The following ZNF599 variants were observed in gnomAD, a reference collection of about 807,000 sequenced individuals.
ZNF599 encodes zinc finger protein 599.
In ZNF599, 10 loss-of-function variants were observed where a neutral mutation model predicts 11.7. That is an observed-to-expected ratio of 0.86 (90% CI 0.53 to 1.45). The LOEUF is 1.45. ZNF599 is among the 40% of genes most tolerant of loss of function. ZNF599 has a pLI of 0.00. For missense variants in ZNF599, 688 were observed against 713.6 expected (o/e 0.96, Z 0.41); for synonymous variants, 232 against 253.2 (o/e 0.92, Z 0.79).
rs769513345 is a variant in ZNF599, at chr19:34,759,754, C to A, written c.1047G>T (p.Thr349=). Residue 349 remains threonine (T), a synonymous_variant, in exon 4 of 4, where the codon ACG becomes ACT. Coordinates refer to ENST00000329285, the MANE Select transcript of ZNF599 (RefSeq NM_001007248.3). ...TGTGCTGGATAAATGTGGAGCGGTG[C>A]GTGAAGGCCTTTCCACATTCACCGC... is the stretch of plus-strand genomic sequence containing the variant. ...YECGECGKAF[T]HRSTFIQHNV... is the part of the protein sequence containing the mutation. The A allele has an allele frequency of 1.2e-6, 2 of 1,611,020 alleles. No homozygotes were observed.
At chr19:34,806,081 G>T in the ZNF599 span, among the ~76,000 whole-genome samples, 29 of 152,142 alleles carry the variant, frequency 1.9e-4, no homozygotes, top group Admixed American at 1.7e-3. Context: ...GTGGATGGAA[G>T]GTTGGGACCA....
Position 34,767,498 on chromosome 19 carries a change from A to AT in ZNF599, c.146-88dup, listed in dbSNP as rs1793942930. The AT allele has an allele frequency of 5.1e-6, 5 of 983,170 alleles. No individual in the cohort carries two copies. In the African/African-American group the frequency reaches 8.1e-5, roughly 16 times the overall value. 60.9% of individuals were successfully genotyped at this position (983,170 alleles called of 1,614,324 possible). A position where few individuals can be genotyped will look rare whatever the true frequency, so the allele number is the denominator to read the frequency against. ...GTGTAAAGGAGTACATATATTTAAC[A>AT]TACTGCAATGAAACCCCAGAAAGGG... On this transcript the variant is annotated intron_variant, in intron 2 of 3. Transcript: ENST00000329285.
chr19:34,791,600 C>T, the ZNF599 span, among the ~76,000 whole-genome samples: 2 of 152,146 alleles, frequency 1.3e-5, no homozygotes, highest in South Asian at 4.1e-4. Context: ...GTATTAAGCC[C>T]AAAGACATGG....
chr19:34,765,949 G>A (rs1250509476), intron 3 of ZNF599, among the ~76,000 whole-genome samples: 1 of 152,190 alleles, frequency 6.6e-6, no homozygotes, highest in African/African-American at 2.4e-5. Context: ...CATGAGTGAT[G>A]TGAAATGGTC....
chr19:34,769,671 G>T, intron 1 of ZNF599, 116 bp from the exon 2 acceptor site: 2 of 1,282,776 alleles, frequency 1.6e-6, no homozygotes, highest in South Asian at 1.4e-5. Flanking sequence ...CAACTCCTGA[G>T]AACCACTGGG....
At chr19:34,769,594 T>C (rs1600159161) in intron 1 of ZNF599, 39 bp from the exon 2 acceptor site, 3 of 1,598,334 alleles carry the variant, frequency 1.9e-6, no homozygotes, top group East Asian at 4.5e-5. Flanking sequence ...GCTGTGGAGC[T>C]ATTAGGTGAA....
chr19:34,782,953 C>A, the ZNF599 span, among the ~76,000 whole-genome samples: 2 of 152,184 alleles, frequency 1.3e-5, no homozygotes, highest in African/African-American at 4.8e-5. Context: ...CATCCCAAAC[C>A]TACTCTCCTC....
At chr19:34,786,539 G>A in the ZNF599 span, among the ~76,000 whole-genome samples, 22 of 152,260 alleles carry the variant, frequency 1.4e-4, no homozygotes, top group Non-Finnish European at 2.4e-4. Context: ...ATGGTGTCTT[G>A]CAAAGCCCAC....
intron 1 of ZNF599, among the ~76,000 whole-genome samples, chr19:34,770,333 ACTC>A (rs1875130392): frequency 6.6e-6 from 1 of 152,172 alleles, no homozygotes; most frequent in Non-Finnish European, 1.5e-5. Context: ...TAACCCCTGT[ACTC>A]CTCCATCACC....
the ZNF599 span, among the ~76,000 whole-genome samples, chr19:34,798,659 C>T: frequency 1.3e-5 from 2 of 152,216 alleles, no homozygotes; most frequent in African/African-American, 4.8e-5. Context: ...CCATTCATTT[C>T]TAAAGTTACT....
At chr19:34,790,789 G>A in the ZNF599 span, among the ~76,000 whole-genome samples, 4 of 152,062 alleles carry the variant, frequency 2.6e-5, no homozygotes, top group Non-Finnish European at 4.4e-5. Context: ...TATATGAGGT[G>A]ATAGATTTAA....
chr19:34,777,288 T>A (rs1376314083), upstream of ZNF599, among the ~76,000 whole-genome samples: 12 of 112,260 alleles, frequency 1.1e-4, no homozygotes, highest in South Asian at 8.2e-4. Flanking sequence ...ATTTTAAAAA[T>A]TGATCATGTT....
At chr19:34,768,185 C>T (rs1322503838) in intron 2 of ZNF599, among the ~76,000 whole-genome samples, 1 of 152,154 alleles carries the variant, frequency 6.6e-6, no homozygotes, top group Admixed American at 6.5e-5. Context: ...AATGTTCTGC[C>T]ATATGCTTGG....
rs1218505151 is a variant in ZNF599, at chr19:34,759,619, G to A, written c.1182C>T (p.Pro394=). The A allele has an allele frequency of 6.2e-7, 1 of 1,613,972 alleles. No individual in the cohort carries two copies. Among genetic ancestry groups the A allele is most frequent in the Admixed American group, 1.7e-5 (1 of 60,002 alleles). ...CCTTTCCACATTCACCGCACTCATA[G>A]GGTTTCTCTCCAGTGTGAATCCTCA... ...QHMRIHTGEK[P]YECGECGKAF... The change falls in exon 4 of 4, where the codon CCC becomes CCT. Residue 394 remains proline, a synonymous_variant. Transcript: ENST00000329285.
At chr19:34,794,465 A>T in the ZNF599 span, among the ~76,000 whole-genome samples, 3 of 152,140 alleles carry the variant, frequency 2.0e-5, no homozygotes, top group Non-Finnish European at 4.4e-5. Context: ...TTGCTTAGAT[A>T]CTGTTTTGAT....
chr19:34,790,019 A>G, the ZNF599 span, among the ~76,000 whole-genome samples: 2 of 152,052 alleles, frequency 1.3e-5, no homozygotes, highest in African/African-American at 2.4e-5. Flanking sequence ...TTTTAAGTTT[A>G]TTTTTGTATA....
chr19:34,766,450 T>C (rs539356097), intron 3 of ZNF599, among the ~76,000 whole-genome samples: 76 of 152,326 alleles, frequency 5.0e-4, no homozygotes, highest in African/African-American at 1.7e-3. Context: ...TTTGAAATAG[T>C]AATCTGCAGG....
At chr19:34,769,636 G>C in intron 1 of ZNF599, 81 bp from the exon 2 acceptor site, 1 of 1,541,370 alleles carries the variant, frequency 6.5e-7, no homozygotes, top group Non-Finnish European at 8.8e-7. Flanking sequence ...ACTGGCAAAG[G>C]GTCCAGAGAC....
intron 1 of ZNF599, among the ~76,000 whole-genome samples, chr19:34,769,917 G>T (rs538434245): frequency 2.8e-4 from 43 of 152,314 alleles, no homozygotes; most frequent in African/African-American, 9.6e-4. Flanking sequence ...GCACCTGAGG[G>T]CTTCACATGC....
Sources: allele counts gnomAD v4.1 joint callset (sites outside exome capture counted in the v4.1 genomes callset), GRCh38; gene constraint gnomAD v4.1.1; transcripts MANE v1.5; gene names NCBI Gene and HGNC (gene_info 2026-07-23, HGNC 2026-07-21).